RIT2: variants seen among roughly 807,000 people sequenced by gnomAD.
RIT2 encodes the protein Ras like without CAAX 2.
A neutral mutation model predicts 23.7 loss-of-function variants in RIT2; 24 were observed. The observed-to-expected ratio is 1.01, with a 90% CI of 0.73 to 1.43. The LOEUF (loss-of-function observed/expected upper bound fraction) is 1.43, where lower values mean the gene tolerates loss of function less well. Among genes scored for constraint, RIT2 ranks in the 40% most tolerant of loss-of-function variants. The pLI is 0.00. For missense variants in RIT2, 236 were observed against 266.9 expected, an observed-to-expected ratio of 0.88 and a Z score of 0.81; for synonymous variants, 107 against 91.1, an observed-to-expected ratio of 1.17 and a Z score of -0.99.
intron 3 of RIT2, among the ~76,000 whole-genome samples, chr18:42,928,014 A>G: frequency 6.6e-6 from 1 of 152,012 alleles, no homozygotes; most frequent in East Asian, 1.9e-4. Flanking sequence ...TACATTCAAA[A>G]AGCACTAGCA....
intron 4 of RIT2, among the ~76,000 whole-genome samples, chr18:42,763,157 A>C (rs2143903152): frequency 6.6e-6 from 1 of 152,314 alleles, no homozygotes; most frequent in African/African-American, 2.4e-5. Context: ...AAAAATCAAT[A>C]TAAAAGATTA....
chr18:42,869,649 T>C (rs113864597), intron 4 of RIT2, among the ~76,000 whole-genome samples: 1 of 152,234 alleles, frequency 6.6e-6, no homozygotes. Flanking sequence ...CCTGTCCTCT[T>C]TGATCTGGTT....
intron 4 of RIT2, among the ~76,000 whole-genome samples, chr18:42,835,088 C>A (rs1161937919): frequency 1.3e-5 from 2 of 152,104 alleles, no homozygotes; most frequent in East Asian, 3.9e-4. Flanking sequence ...TACAATGTTT[C>A]ACTTTTAACT....
In RIT2 at chr18:42,972,443, A is replaced by G. The variant is rs1009186686; in HGVS notation, c.234+1631T>C. Among the ~76,000 whole-genome samples the G allele has an allele frequency of 7.2e-5, 11 of 152,082 alleles. No homozygotes were observed. In the East Asian group the frequency reaches 2.1e-3, roughly 29 times the overall value. On this transcript the variant is annotated intron_variant, in intron 3 of 4. Transcript: ENST00000326695. ...CCAATTATGCAGTTTTTTTAAAAACAGTAACATAGCGATGAGAAAATACAA... is the reference window on the plus strand; with the variant it reads ...CCAATTATGCAGTTTTTTTAAAAACGGTAACATAGCGATGAGAAAATACAA...
At chr18:42,956,512 G>A (rs1289272105) in intron 3 of RIT2, among the ~76,000 whole-genome samples, 1 of 152,106 alleles carries the variant, frequency 6.6e-6, no homozygotes, top group Non-Finnish European at 1.5e-5. Context: ...TTTCCTCTCT[G>A]CTCCATTTCG....
At chr18:42,909,234 T>C (rs1056370255) in intron 4 of RIT2, among the ~76,000 whole-genome samples, 1 of 152,086 alleles carries the variant, frequency 6.6e-6, no homozygotes, top group African/African-American at 2.4e-5. Context: ...CAAAACCAAA[T>C]ATCATATGTT....
intron 4 of RIT2, among the ~76,000 whole-genome samples, chr18:42,788,762 C>T (rs965419720): frequency 1.3e-5 from 2 of 152,126 alleles, no homozygotes; most frequent in Non-Finnish European, 2.9e-5. Flanking sequence ...GAGGCAACAT[C>T]TATCAAATAC....
At chr18:43,029,379 A>G (rs1911802917) in intron 2 of RIT2, among the ~76,000 whole-genome samples, 1 of 152,004 alleles carries the variant, frequency 6.6e-6, no homozygotes, top group Non-Finnish European at 1.5e-5. Context: ...GCACTGTGAG[A>G]ACCAAATAAA....
intron 4 of RIT2, among the ~76,000 whole-genome samples, chr18:42,758,725 A>G (rs1296590595): frequency 6.8e-6 from 1 of 146,342 alleles, no homozygotes; most frequent in Non-Finnish European, 1.5e-5. Context: ...GGGTTTCACC[A>G]TGTTGGCTAG....
intron 1 of RIT2, among the ~76,000 whole-genome samples, chr18:43,052,994 GA>G (rs1194029883): frequency 6.6e-6 from 1 of 151,904 alleles, no homozygotes; most frequent in East Asian, 1.9e-4. Context: ...AGAGAGGTTT[GA>G]AAACTTACCA....
chr18:42,837,153 C>CTTTTTTTTTTTTTTTTT (rs570701535), intron 4 of RIT2, among the ~76,000 whole-genome samples: 1,944 of 51,760 alleles, frequency 0.038, 306 homozygotes, highest in Middle Eastern at 0.083. Flanking sequence ...TTTTCTTTTT[C>CTTTTTTTTTTTTTTTTT]TTTTTTTTTT....
intron 2 of RIT2, among the ~76,000 whole-genome samples, chr18:43,016,418 A>G (rs1911476807): frequency 6.6e-6 from 1 of 151,846 alleles, no homozygotes; most frequent in Non-Finnish European, 1.5e-5. Context: ...ATAAGAAAAA[A>G]AGGCTCAGAT....
intron 4 of RIT2, among the ~76,000 whole-genome samples, chr18:42,842,199 A>G (rs755506551): frequency 1.3e-5 from 2 of 152,102 alleles, no homozygotes; most frequent in Admixed American, 6.6e-5. Flanking sequence ...CCATTTGTTA[A>G]TTTTATTTGC....
chr18:43,017,336 C>T (rs374369678), intron 2 of RIT2, among the ~76,000 whole-genome samples: 1 of 151,706 alleles, frequency 6.6e-6, no homozygotes, highest in East Asian at 2.0e-4. Context: ...TAATTATTTA[C>T]ATAATTGGCT....
chr18:42,786,839 C>T (rs755859823), intron 4 of RIT2, among the ~76,000 whole-genome samples: 3 of 152,050 alleles, frequency 2.0e-5, no homozygotes, highest in Admixed American at 1.3e-4. Context: ...TTTTTGCTCC[C>T]GAGAACTTCC....
chr18:43,031,247 C>T (rs925701598), intron 2 of RIT2, among the ~76,000 whole-genome samples: 3 of 151,786 alleles, frequency 2.0e-5, no homozygotes, highest in African/African-American at 7.2e-5. Flanking sequence ...AACTATGACA[C>T]AAAATTATGG....
intron 4 of RIT2, among the ~76,000 whole-genome samples, chr18:42,821,173 T>C (rs1906137314): frequency 6.6e-6 from 1 of 152,130 alleles, no homozygotes. Flanking sequence ...GATATTCTTT[T>C]ATAGCAATGA....
intron 1 of RIT2, among the ~76,000 whole-genome samples, chr18:43,083,090 A>G (rs1448768798): frequency 2.0e-5 from 3 of 152,314 alleles, no homozygotes; most frequent in South Asian, 2.1e-4. Context: ...CCAATAATAG[A>G]CAAACAGAGA....
chr18:42,977,151 T>C (rs1183126930), intron 2 of RIT2, among the ~76,000 whole-genome samples: 5 of 152,062 alleles, frequency 3.3e-5, no homozygotes, highest in Admixed American at 1.3e-4. Flanking sequence ...CCTGAAGCTC[T>C]GGATAAAGCT....
Sources: allele counts gnomAD v4.1 joint callset (sites outside exome capture counted in the v4.1 genomes callset), GRCh38; gene constraint gnomAD v4.1.1; transcripts MANE v1.5; gene names NCBI Gene and HGNC (gene_info 2026-07-23, HGNC 2026-07-21).